The following RUBCN variants were observed in gnomAD, a reference collection of about 807,000 sequenced individuals.
RUBCN encodes the protein run domain Beclin-1-interacting and cysteine-rich domain-containing protein.
In RUBCN, 74 loss-of-function variants were observed where a neutral mutation model predicts 113.2. That is an observed-to-expected ratio of 0.65 (90% CI 0.54 to 0.79). The LOEUF (loss-of-function observed/expected upper bound fraction) is 0.79, where lower values mean the gene tolerates loss of function less well. Ranked by LOEUF, RUBCN falls within the 30% of genes least tolerant of loss-of-function variation. The pLI is 0.00. For synonymous variants in RUBCN, 480 were observed against 490.0 expected, an observed-to-expected ratio of 0.98 and a Z score of 0.27; for missense variants, 1,109 against 1,251.7, an observed-to-expected ratio of 0.89 and a Z score of 1.72.
In RUBCN at chr3:197,703,542, C is replaced by G. The variant is rs774443845; in HGVS notation, c.570+6G>C. 1 of 1,597,470 alleles carries G rather than the reference C, an allele frequency of 6.3e-7. No individual in the cohort carries two copies. Among genetic ancestry groups the G allele is most frequent in the East Asian group, 2.2e-5 (1 of 44,780 alleles). Reference sequence around the variant, plus strand: ...ATAGACGTGGATAATTCCTTGTCCCCTGTACCATGGACGCATCGATCTGAG... The same window carrying G: ...ATAGACGTGGATAATTCCTTGTCCCGTGTACCATGGACGCATCGATCTGAG... On this transcript the variant is annotated splice_donor_region_variant and intron_variant, in intron 5 of 19. Coordinates refer to ENST00000296343, the MANE Select transcript of RUBCN (RefSeq NM_014687.4).
Position 197,701,861 on chromosome 3 carries a change from C to T in RUBCN, c.574G>A (p.Ala192Thr). 1 of 1,613,950 alleles carries T rather than the reference C, an allele frequency of 6.2e-7. No individual in the cohort carries two copies. Among genetic ancestry groups the T allele is most frequent in the Admixed American group, 1.7e-5 (1 of 59,994 alleles). ...AGGAGCGGGCTCTCGTGCTTTCTGG[C>T]AAACTAAAAAGCAAAACAAAACCAA... ...LLAQIDASMF[A>T]RKHESPLLVT... The change falls in exon 6 of 20, where the codon GCC (alanine) becomes ACC (threonine). Residue 192 changes from alanine (A) to threonine (T), a missense_variant. Physicochemically the swap from Ala to Thr is moderately conservative, Grantham distance 58. Coordinates refer to ENST00000296343, the MANE Select transcript of RUBCN (RefSeq NM_014687.4).
intron 1 of RUBCN, among the ~76,000 whole-genome samples, chr3:197,742,776 A>C (rs1580423429): frequency 6.6e-6 from 1 of 152,366 alleles, no homozygotes; most frequent in East Asian, 1.9e-4. Context: ...CCGCGACCCA[A>C]GAATCCTGGC....
intron 1 of RUBCN, among the ~76,000 whole-genome samples, chr3:197,726,876 T>A (rs1726820633): frequency 6.6e-6 from 1 of 151,516 alleles, no homozygotes; most frequent in African/African-American, 2.4e-5. Flanking sequence ...AAAATAGACA[T>A]CATAGTCATT....
chr3:197,684,845 A>T (rs192212316), intron 11 of RUBCN, among the ~76,000 whole-genome samples: 11 of 152,258 alleles, frequency 7.2e-5, no homozygotes, highest in Middle Eastern at 3.4e-3. Flanking sequence ...TTTGCTTCTA[A>T]TATTTCACCA....
chr3:197,739,516 AC>A (rs374858093), upstream of RUBCN, among the ~76,000 whole-genome samples: 55 of 147,038 alleles, frequency 3.7e-4, no homozygotes, highest in African/African-American at 1.4e-3. Context: ...ACACGGTGAA[AC>A]CCCGTCTCTA....
chr3:197,690,678 A>T (rs1467998312), intron 11 of RUBCN, among the ~76,000 whole-genome samples: 1 of 152,250 alleles, frequency 6.6e-6, no homozygotes, highest in African/African-American at 2.4e-5. Context: ...AGTAAGCTTC[A>T]TACCATTCTA....
chr3:197,713,965 A>G (rs1725238601), intron 2 of RUBCN, among the ~76,000 whole-genome samples: 1 of 151,800 alleles, frequency 6.6e-6, no homozygotes, highest in African/African-American at 2.4e-5. Context: ...AGTCCCAGCT[A>G]CTCGGGAGGC....
intron 14 of RUBCN, 151 bp downstream of exon 14, chr3:197,682,319 C>A: frequency 1.1e-6 from 1 of 941,522 alleles, no homozygotes; most frequent in Non-Finnish European, 1.6e-6. Flanking sequence ...AAACGAAGGA[C>A]CAAATGGACG....
At chr3:197,684,691 T>C (rs1012854561) in intron 11 of RUBCN, among the ~76,000 whole-genome samples, 6 of 151,280 alleles carry the variant, frequency 4.0e-5, no homozygotes, top group Non-Finnish European at 7.4e-5. Context: ...TATATACACA[T>C]ATATATACAT....
intron 1 of RUBCN, among the ~76,000 whole-genome samples, chr3:197,743,454 G>A (rs1026665988): frequency 6.6e-6 from 1 of 152,126 alleles, no homozygotes; most frequent in Non-Finnish European, 1.5e-5. Context: ...ACGAATAAAT[G>A]AACAAACAAA....
chr3:197,693,478 G>T (rs1722658698), intron 11 of RUBCN, among the ~76,000 whole-genome samples: 1 of 152,180 alleles, frequency 6.6e-6, no homozygotes, highest in South Asian at 2.1e-4. Context: ...CACTGAGGAG[G>T]ACGCGTCAGG....
intron 2 of RUBCN, among the ~76,000 whole-genome samples, chr3:197,705,623 A>G (rs1418528176): frequency 1.3e-5 from 2 of 151,958 alleles, no homozygotes; most frequent in East Asian, 1.9e-4. Context: ...ACTACACTTG[A>G]CATATGTTTA....
chr3:197,726,019 C>T (rs142836983), intron 1 of RUBCN, among the ~76,000 whole-genome samples: 121 of 152,278 alleles, frequency 7.9e-4, no homozygotes, highest in Middle Eastern at 6.8e-3. Context: ...GTTCTCACCC[C>T]ATTCAGGGAT....
At chr3:197,680,295 C>CT (rs1406475103) in intron 16 of RUBCN, among the ~76,000 whole-genome samples, 1 of 131,102 alleles carries the variant, frequency 7.6e-6, no homozygotes, top group Non-Finnish European at 1.6e-5. Flanking sequence ...GTCCTACGCT[C>CT]TGACAACTGG....
chr3:197,697,045 G>A lies in RUBCN; in HGVS notation c.1266C>T (p.Ser422=). The A allele has an allele frequency of 6.4e-7, 1 of 1,556,892 alleles. No homozygotes were observed. ...CTCTCAACTTCGCCTTATCATTGCA[G>A]GATTCTAATGACGATGACCACCAGC... The part of the protein sequence containing the change: ...TSIASRGAPE[S]CNDKAKLRGP... Residue 422 remains serine, a synonymous_variant, in exon 8 of 20, where the codon TCC becomes TCT. Transcript: ENST00000296343.
At position 197,674,910 on chromosome 3, in the gene RUBCN, A is replaced by T. The variant is rs1452230649; in HGVS notation, c.*108T>A. 45 of 369,132 alleles carry T rather than the reference A, an allele frequency of 1.2e-4. No individual in the cohort carries two copies. Among genetic ancestry groups the T allele is most frequent in the Middle Eastern group, 1.2e-3 (1 of 868 alleles). 22.9% of individuals were successfully genotyped at this position (369,132 alleles called of 1,614,324 possible). A position where few individuals can be genotyped will look rare whatever the true frequency, so the allele number is the denominator to read the frequency against. On this transcript the variant is annotated 3_prime_UTR_variant, in exon 20 of 20. Transcript: ENST00000296343. ...AAAAAAAAAAAGATGATGATAATTA[A>T]AAAAAAAAAAAAAAAAAGAAGCCCC...
rs1279178539 is a variant in RUBCN at position 197,673,490 on chromosome 3, T to C, written c.*1528A>G. 4 of 152,276 alleles carry C rather than the reference T, an allele frequency of 2.6e-5. No homozygotes were observed. Among genetic ancestry groups the C allele is most frequent in the African/African-American group, 9.7e-5 (4 of 41,444 alleles). 9.4% of individuals were successfully genotyped at this position (152,276 alleles called of 1,614,324 possible). A position where few individuals can be genotyped will look rare whatever the true frequency, so the allele number is the denominator to read the frequency against. ...TGAGAAGACATGCCCATGGGCAGAA[T>C]TCAATCCCAGAACAAAAATGATGCA... is the stretch of plus-strand genomic sequence containing the variant. On this transcript the variant is annotated 3_prime_UTR_variant, in exon 20 of 20. Coordinates refer to ENST00000296343, the MANE Select transcript of RUBCN (RefSeq NM_014687.4).
At chr3:197,710,969 G>A (rs1724899763) in intron 2 of RUBCN, among the ~76,000 whole-genome samples, 1 of 152,162 alleles carries the variant, frequency 6.6e-6, no homozygotes. Context: ...GGGACTACAG[G>A]CACATGCCAC....
intron 11 of RUBCN, among the ~76,000 whole-genome samples, chr3:197,691,686 T>C (rs1179198211): frequency 6.6e-6 from 1 of 152,148 alleles, no homozygotes; most frequent in African/African-American, 2.4e-5. Flanking sequence ...GGCAGGCTCC[T>C]TACAGACTGC....
Sources: allele counts gnomAD v4.1 joint callset (sites outside exome capture counted in the v4.1 genomes callset), GRCh38; gene constraint gnomAD v4.1.1; transcripts MANE v1.5; gene names NCBI Gene and HGNC (gene_info 2026-07-23, HGNC 2026-07-21).